The following NDUFS1 variants were observed in gnomAD, a reference collection of about 807,000 sequenced individuals.
NDUFS1 encodes NADH-ubiquinone oxidoreductase 75 kDa subunit, mitochondrial.
A neutral mutation model predicts 84.4 loss-of-function variants in NDUFS1; 61 were observed. That is an observed-to-expected ratio of 0.72 (90% CI 0.59 to 0.89). The LOEUF (loss-of-function observed/expected upper bound fraction) is 0.89. Among genes scored for constraint, NDUFS1 ranks in the 40% least tolerant of loss-of-function variants. The pLI is 0.00. For synonymous variants in NDUFS1, 275 were observed against 290.0 expected, an observed-to-expected ratio of 0.95 and a Z score of 0.53; for missense variants, 891 against 890.0, an observed-to-expected ratio of 1.00 and a Z score of -0.01.
rs1266594907 is a variant in NDUFS1, at chr2:206,149,854, G to A, written c.225C>T (p.Cys75=). The change falls in exon 4 of 19, where the codon TGC becomes TGT. Residue 75 remains cysteine, a synonymous_variant. Transcript: ENST00000233190. ...TCTCAATTTCAACAAGGCACATCCT[G>A]CAGTTTCCAGCAACAGACAACCTTT... ...YHERLSVAGN[C]RMCLVEIEKA... is the part of the protein sequence containing the mutation. The A allele has an allele frequency of 6.2e-7, 1 of 1,607,564 alleles. No homozygotes were observed. Among genetic ancestry groups the A allele is most frequent in the Non-Finnish European group, 8.5e-7 (1 of 1,178,510 alleles).
chr2:206,159,413 G>T lies in NDUFS1; in HGVS notation c.-77C>A, dbSNP rs900247347. 10 of 492,588 alleles carry T rather than the reference G, an allele frequency of 2.0e-5. No homozygotes were observed. Among genetic ancestry groups the T allele is most frequent in the Non-Finnish European group, 3.3e-5 (9 of 274,106 alleles). 30.5% of individuals were successfully genotyped at this position (492,588 alleles called of 1,614,324 possible). On this transcript the variant is annotated 5_prime_UTR_variant, in exon 1 of 19. Transcript: ENST00000233190. ...CGACGACCCCCTAGGAGGCCGGGTC[G>T]CTTATTCAATATGGCGGCCTCGGCT...
In NDUFS1 at chr2:206,124,142, T is replaced by A; in HGVS notation, c.*43A>T. ...GTAAAGGATCACTGCACTACAGTTG[T>A]CCATTAATTATCTGCGGCAAAACTG... On this transcript the variant is annotated 3_prime_UTR_variant, in exon 19 of 19. Transcript: ENST00000233190. 1.6e-6 allele frequency: 2 copies of A among 1,231,510 alleles called. No homozygotes were observed. The highest frequency in any genetic ancestry group is 2.4e-6 in the Non-Finnish European group (2 of 830,554). 76.3% of individuals were successfully genotyped at this position (1,231,510 alleles called of 1,614,324 possible).
chr2:206,158,997 C>T, intron 1 of NDUFS1: 5 of 1,322,998 alleles, frequency 3.8e-6, no homozygotes, highest in Non-Finnish European at 5.2e-6. Context: ...CCTAAGTCAT[C>T]GGACACTGGT....
intron 14 of NDUFS1, among the ~76,000 whole-genome samples, chr2:206,130,849 A>G (rs1048400595): frequency 7.9e-5 from 12 of 152,254 alleles, no homozygotes; most frequent in African/African-American, 2.9e-4. Context: ...CTTATTCAAT[A>G]AAGTAAGACA....
chr2:206,155,923 A>G (rs1357500857), intron 1 of NDUFS1, among the ~76,000 whole-genome samples: 1 of 151,560 alleles, frequency 6.6e-6, no homozygotes, highest in Non-Finnish European at 1.5e-5. Flanking sequence ...TAGGCTAAGC[A>G]CTGAACTTTC....
intron 1 of NDUFS1, among the ~76,000 whole-genome samples, chr2:206,154,922 CTTTTTT>C (rs71034412): frequency 6.9e-5 from 7 of 100,826 alleles, no homozygotes; most frequent in South Asian, 6.7e-4. Flanking sequence ...GTGCCCGGCC[CTTTTTT>C]TTTTTTTTTT....
intron 1 of NDUFS1, 113 bp downstream of exon 1, chr2:206,159,228 G>T: frequency 7.8e-7 from 1 of 1,283,068 alleles, no homozygotes; most frequent in Non-Finnish European, 1.1e-6. Context: ...GGGAGGCGGC[G>T]CCCAGTCAAG....
chr2:206,120,061 CCT>C lies in NDUFS1; in HGVS notation c.*4122_*4123del, dbSNP rs1238532427. On this transcript the variant is annotated 3_prime_UTR_variant, in exon 19 of 19. Transcript: ENST00000233190. ...TGGGACCTCCTCCTCTCTCTTGCTC[CCT>C]CTCTCACCATGTGATATGCTCGCTC... The C allele has an allele frequency of 2.0e-5, 3 of 152,100 alleles. No homozygotes were observed. The highest frequency in any genetic ancestry group is 7.2e-5 in the African/African-American group (3 of 41,406). The allele number at this position is 152,100 out of a possible 1,614,324, so 9.4% of individuals were successfully genotyped here.
chr2:206,125,903 T>G (rs1169721825), intron 18 of NDUFS1, among the ~76,000 whole-genome samples: 1 of 152,214 alleles, frequency 6.6e-6, no homozygotes, highest in Non-Finnish European at 1.5e-5. Flanking sequence ...TTTTTTGTTG[T>G]GCTTTTGAGC....
rs746089582 is a variant in NDUFS1 at position 206,147,798 on chromosome 2, T to C, written c.375A>G (p.Pro125=). Residue 125 remains proline (P), a synonymous_variant, in exon 6 of 19, where the codon CCA becomes CCG. Transcript: ENST00000233190. ...GVMEFLLANH[P]LDCPICDQGG... is the part of the protein sequence containing the mutation. ...CCTGGTCACAAATAGGACAGTCCAATGGGTGATTTGCTAATAAGAACTCCA... is the reference window on the plus strand; with the variant it reads ...CCTGGTCACAAATAGGACAGTCCAACGGGTGATTTGCTAATAAGAACTCCA... 11 of 1,614,066 alleles carry C rather than the reference T, an allele frequency of 6.8e-6. No individual in the cohort carries two copies. Among genetic ancestry groups the C allele is most frequent in the Non-Finnish European group, 8.5e-6 (10 of 1,180,000 alleles).
Position 206,123,929 on chromosome 2 carries a change from G to T in NDUFS1, c.*256C>A. Reference sequence around the variant, plus strand: ...ACTCATAATTTAAGGATCTCTTTATGTTCGTCACAAAGGTTATCAATGCTT... The same window carrying T: ...ACTCATAATTTAAGGATCTCTTTATTTTCGTCACAAAGGTTATCAATGCTT... On this transcript the variant is annotated 3_prime_UTR_variant, in exon 19 of 19. Transcript: ENST00000233190. 2.6e-6 allele frequency: 1 copy of T among 381,544 alleles called. No individual in the cohort carries two copies. Among genetic ancestry groups the T allele is most frequent in the Non-Finnish European group, 4.7e-6 (1 of 214,212 alleles). The allele number at this position is 381,544 out of a possible 1,614,324, so 23.6% of individuals were successfully genotyped here.
chr2:206,120,394 T>G lies in NDUFS1; in HGVS notation c.*3791A>C, dbSNP rs1356042722. On this transcript the variant is annotated 3_prime_UTR_variant, in exon 19 of 19. Transcript: ENST00000233190. ...GAAAGATGAGGGAAAGTTTGGAACT[T>G]AGAGACTAGTTAAGTGGTTGTGACC... 2 of 152,174 alleles carry G rather than the reference T, an allele frequency of 1.3e-5. No individual in the cohort carries two copies. Among genetic ancestry groups the G allele is most frequent in the Admixed American group, 6.5e-5 (1 of 15,276 alleles). The allele number at this position is 152,174 out of a possible 1,614,324, so 9.4% of individuals were successfully genotyped here.
chr2:206,126,665 C>G (rs1432805508), intron 17 of NDUFS1, 45 bp downstream of exon 17: 1 of 1,614,032 alleles, frequency 6.2e-7, no homozygotes, highest in African/African-American at 1.3e-5. Context: ...ACTGTTACAC[C>G]AGTAGATACA....
At position 206,126,458 on chromosome 2, in the gene NDUFS1, T is replaced by C. The variant is rs1006745774; in HGVS notation, c.2092+81A>G. On this transcript the variant is annotated intron_variant, in intron 18 of 18. Transcript: ENST00000233190. ...AATTGCAAACACTATCAATCACAAA[T>C]TGGAATTATAACACCAAATGAGGTG... The C allele has an allele frequency of 3.1e-6, 4 of 1,274,422 alleles. No individual in the cohort carries two copies. The African/African-American group carries it at 4.4e-5, about 14-fold the overall frequency. 78.9% of individuals were successfully genotyped at this position (1,274,422 alleles called of 1,614,324 possible).
At chr2:206,153,727 A>C in intron 1 of NDUFS1, 45 bp from the exon 2 acceptor site, 3 of 1,021,774 alleles carry the variant, frequency 2.9e-6, no homozygotes, top group Non-Finnish European at 4.5e-6. Context: ...GAAAAAAACA[A>C]TCACCAACTG....
chr2:206,147,183 A>T (rs1485626658), intron 7 of NDUFS1, 95 bp from the exon 8 acceptor site: 2 of 1,228,082 alleles, frequency 1.6e-6, no homozygotes, highest in African/African-American at 3.0e-5. Context: ...CCAAACACTA[A>T]AAAGAAATGA....
Position 206,147,771 on chromosome 2 carries a change from T to G in NDUFS1, c.402A>C (p.Gly134=). Residue 134 remains glycine (G), a synonymous_variant, in exon 6 of 19, where the codon GGA becomes GGC. Transcript: ENST00000233190. ...TACATACCTGCAGATCACATTCACC[T>G]CCCTGGTCACAAATAGGACAGTCCA... is the stretch of plus-strand genomic sequence containing the variant. The part of the protein sequence containing the change: ...HPLDCPICDQ[G]GECDLQDQSM... The G allele has an allele frequency of 6.2e-7, 1 of 1,614,072 alleles. No homozygotes were observed. The highest frequency in any genetic ancestry group is 2.2e-5 in the East Asian group (1 of 44,888).
At position 206,147,927 on chromosome 2, in the gene NDUFS1, T is replaced by C. The variant is rs78848841; in HGVS notation, c.339-93A>G. 8,987 of 1,218,256 alleles carry C rather than the reference T, an allele frequency of 7.4e-3. 51 individuals carry two copies. Among genetic ancestry groups the C allele is most frequent in the Non-Finnish European group, 9.7e-3 (8,023 of 825,316 alleles). The allele number at this position is 1,218,256 out of a possible 1,614,324, so 75.5% of individuals were successfully genotyped here. A position where few individuals can be genotyped will look rare whatever the true frequency, so the allele number is the denominator to read the frequency against. On this transcript the variant is annotated intron_variant, in intron 5 of 18. Transcript: ENST00000233190. ...TCAAAATGACCTATAGACTTTATTT[T>C]TTTTTTTTGAGATGGTGTCTCGCTC...
intron 12 of NDUFS1, among the ~76,000 whole-genome samples, chr2:206,140,706 T>G (rs919344380): frequency 6.6e-6 from 1 of 151,880 alleles, no homozygotes; most frequent in African/African-American, 2.4e-5. Context: ...CTCAAACTCC[T>G]GACCTCAGGT....
Sources: gnomAD v4.1 joint callset for allele counts (sites outside exome capture counted in the v4.1 genomes callset) on GRCh38, gnomAD v4.1.1 for gene constraint, MANE v1.5 for transcripts, NCBI Gene and HGNC (gene_info 2026-07-23, HGNC 2026-07-21) for gene names.